Variants in PADI4 observed in about 807,000 individuals in gnomAD.
PADI4 encodes the protein peptidyl arginine deiminase 4, also known as protein-arginine deiminase type-4.
In PADI4, 62 loss-of-function variants were observed where a neutral mutation model predicts 75.0. The observed-to-expected ratio is 0.83, with a 90% CI of 0.67 to 1.02. The LOEUF (loss-of-function observed/expected upper bound fraction) is 1.02. Among genes scored for constraint, PADI4 ranks in the 50% least tolerant of loss-of-function variants. The pLI is 0.00. For missense variants in PADI4, 845 were observed against 850.5 expected (o/e 0.99, Z 0.08); for synonymous variants, 361 against 348.1 (o/e 1.04, Z -0.41).
In PADI4 at chr1:17,330,835, A is replaced by G. The variant is rs1433944945; in HGVS notation, c.93-134A>G. 4.2e-5 allele frequency: 25 copies of G among 599,232 alleles called. No homozygotes were observed. In the Admixed American group the frequency reaches 5.8e-4, roughly 14 times the overall value. The allele number at this position is 599,232 out of a possible 1,614,324, so 37.1% of individuals were successfully genotyped here. A position where few individuals can be genotyped will look rare whatever the true frequency, so the allele number is the denominator to read the frequency against. The stretch of plus-strand genomic sequence containing the variant: ...CACCCTCACAGATACACCCAGAAAA[A>G]ATACTTCGCATCTTTCAGTCCAAAC... On this transcript the variant is annotated intron_variant, in intron 1 of 15. Transcript: ENST00000375448.
At chr1:17,357,921 A>G (rs1375947269) in intron 13 of PADI4, among the ~76,000 whole-genome samples, 12 of 115,464 alleles carry the variant, frequency 1.0e-4, no homozygotes, top group East Asian at 2.6e-4. Context: ...ACAGAGCAAG[A>G]CTCAGTCTCA....
chr1:17,330,328 T>C (rs931716077), intron 1 of PADI4, among the ~76,000 whole-genome samples: 1 of 151,806 alleles, frequency 6.6e-6, no homozygotes, highest in African/African-American at 2.4e-5. Context: ...GGAAAAGGAG[T>C]ATATTAGTCA....
chr1:17,348,010 A>AACAGAGGCCTG lies in PADI4; in HGVS notation c.1119_1129dup (p.Lys377ThrfsTer4), dbSNP rs1361302568. 6.0e-5 allele frequency: 97 copies of AACAGAGGCCTG among 1,612,630 alleles called. No individual in the cohort carries two copies. The highest frequency in any genetic ancestry group is 7.9e-5 in the Non-Finnish European group (93 of 1,178,962). Reference sequence around the variant, plus strand: ...GCCCGTGGTCTTCGACTCTCCAAGGAACAGAGGCCTGAAGGAGTTTCCCAT... The same window carrying AACAGAGGCCTG: ...GCCCGTGGTCTTCGACTCTCCAAGGAACAGAGGCCTGACAGAGGCCTGAAGGAGTTTCCCAT... On this transcript the variant is annotated frameshift_variant, in exon 10 of 16. Transcript: ENST00000375448. LOFTEE classifies it high-confidence loss of function.
chr1:17,325,126 C>T (rs1240526969), intron 1 of PADI4, among the ~76,000 whole-genome samples: 4 of 152,156 alleles, frequency 2.6e-5, no homozygotes, highest in African/African-American at 9.7e-5. Context: ...TAAAAATCAA[C>T]TTGTCAAGTT....
At chr1:17,319,099 G>A (rs1328513815) in intron 1 of PADI4, among the ~76,000 whole-genome samples, 3 of 152,024 alleles carry the variant, frequency 2.0e-5, no homozygotes, top group African/African-American at 4.8e-5. Context: ...GGGAGCCATC[G>A]TGCCTGGCCA....
At chr1:17,324,432 G>A (rs1212398923) in intron 1 of PADI4, among the ~76,000 whole-genome samples, 1 of 151,982 alleles carries the variant, frequency 6.6e-6, no homozygotes, top group East Asian at 1.9e-4. Context: ...CATTGTGCTT[G>A]TCTTTTTACT....
chr1:17,343,207 A>C (rs2074454780), intron 8 of PADI4, among the ~76,000 whole-genome samples: 1 of 152,116 alleles, frequency 6.6e-6, no homozygotes, highest in South Asian at 2.1e-4. Context: ...AAAATAATAA[A>C]AATTAAAAAT....
intron 1 of PADI4, among the ~76,000 whole-genome samples, chr1:17,310,115 A>G (rs1219832397): frequency 6.6e-6 from 1 of 152,142 alleles, no homozygotes; most frequent in African/African-American, 2.4e-5. Context: ...CTGTCACTCT[A>G]TCCCCTGAAC....
chr1:17,308,641 C>G (rs1014095125), intron 1 of PADI4, among the ~76,000 whole-genome samples: 1 of 152,168 alleles, frequency 6.6e-6, no homozygotes, highest in African/African-American at 2.4e-5. Flanking sequence ...CAAGGTCACA[C>G]AGCACGTGTG....
In PADI4 at chr1:17,338,175, T is replaced by G; in HGVS notation, c.526+20T>G. 5 of 1,482,988 alleles carry G rather than the reference T, an allele frequency of 3.4e-6. No homozygotes were observed. The highest frequency in any genetic ancestry group is 4.7e-6 in the Non-Finnish European group (5 of 1,061,112). The allele number at this position is 1,482,988 out of a possible 1,614,324, so 91.9% of individuals were successfully genotyped here. A position where few individuals can be genotyped will look rare whatever the true frequency, so the allele number is the denominator to read the frequency against. On this transcript the variant is annotated intron_variant, in intron 5 of 15. Transcript: ENST00000375448. Reference sequence around the variant, plus strand: ...GCGAAGGTAAAGAGCATTTGCTAGCTAACGGGAAGGGCTTTTTATAAAGCC... The same window carrying G: ...GCGAAGGTAAAGAGCATTTGCTAGCGAACGGGAAGGGCTTTTTATAAAGCC...
chr1:17,354,221 C>T (rs2074719524), intron 10 of PADI4, among the ~76,000 whole-genome samples: 1 of 152,010 alleles, frequency 6.6e-6, no homozygotes, highest in South Asian at 2.1e-4. Flanking sequence ...CCAACCTGGG[C>T]AACAGAGTGG....
At chr1:17,314,828 AC>A (rs2073903894) in intron 1 of PADI4, among the ~76,000 whole-genome samples, 1 of 152,336 alleles carries the variant, frequency 6.6e-6, no homozygotes, top group African/African-American at 2.4e-5. Context: ...AACTGCTCCA[AC>A]CAGCTGGTGA....
intron 1 of PADI4, among the ~76,000 whole-genome samples, chr1:17,315,890 G>A (rs866052050): frequency 4.0e-5 from 6 of 151,734 alleles, no homozygotes; most frequent in African/African-American, 9.7e-5. Flanking sequence ...CCCCACCCAC[G>A]GTGACCTCAC....
chr1:17,323,232 G>T (rs930912898), intron 1 of PADI4, among the ~76,000 whole-genome samples: 9 of 152,124 alleles, frequency 5.9e-5, no homozygotes. Context: ...TCATCAAGGT[G>T]AGCAAGGCAA....
chr1:17,332,525 C>T (rs1171298632), intron 2 of PADI4, among the ~76,000 whole-genome samples: 1 of 152,232 alleles, frequency 6.6e-6, no homozygotes, highest in Admixed American at 6.5e-5. Flanking sequence ...GCTGGGATTA[C>T]AGGCATGAGC....
intron 10 of PADI4, among the ~76,000 whole-genome samples, chr1:17,351,353 G>A (rs981980716): frequency 2.0e-5 from 3 of 151,392 alleles, no homozygotes; most frequent in African/African-American, 7.3e-5. Flanking sequence ...CACTTCGGGA[G>A]GCCAAGGCTG....
Position 17,332,836 on chromosome 1 carries a change from T to C in PADI4, c.274-1107T>C, listed in dbSNP as rs545737766. On this transcript the variant is annotated intron_variant, in intron 2 of 15. Transcript: ENST00000375448. ...GAGGGGGTGGTCGGGGAAGGCTTCC[T>C]GAAAGAAGTAGCAAGCTGAAGGGTG... 3.9e-5 allele frequency among the ~76,000 whole-genome samples: 6 copies of C among 152,072 alleles called. No individual in the cohort carries two copies. The South Asian group carries it at 1.0e-3, about 26-fold the overall frequency.
chr1:17,363,843 T>A lies in PADI4; in HGVS notation c.*88T>A, dbSNP rs921059242. On this transcript the variant is annotated 3_prime_UTR_variant, in exon 16 of 16. Transcript: ENST00000375448. The stretch of plus-strand genomic sequence containing the variant: ...CAAGCAAGAGCTCTTGTGAATATTG[T>A]GGCTCCCTGGGGGCGGCCAGCCCTC... 14 of 914,948 alleles carry A rather than the reference T, an allele frequency of 1.5e-5. No individual in the cohort carries two copies. Among genetic ancestry groups the A allele is most frequent in the Non-Finnish European group, 2.4e-5 (14 of 582,230 alleles). The allele number at this position is 914,948 out of a possible 1,614,324, so 56.7% of individuals were successfully genotyped here. A position where few individuals can be genotyped will look rare whatever the true frequency, so the allele number is the denominator to read the frequency against.
intron 1 of PADI4, among the ~76,000 whole-genome samples, chr1:17,312,008 G>C (rs1028772507): frequency 7.2e-5 from 11 of 152,106 alleles, no homozygotes; most frequent in African/African-American, 2.7e-4. Flanking sequence ...CCTTTCCAAT[G>C]CAAATCAAAG....
Sources: gnomAD v4.1 joint callset for allele counts (sites outside exome capture counted in the v4.1 genomes callset) on GRCh38, gnomAD v4.1.1 for gene constraint, MANE v1.5 for transcripts, NCBI Gene and HGNC (gene_info 2026-07-23, HGNC 2026-07-21) for gene names.